Variants in VWA2 observed in about 807,000 individuals in gnomAD.
VWA2 encodes von Willebrand factor A domain containing 2.
Under a neutral mutation model 70.4 loss-of-function variants are expected in VWA2, and 73 were observed. That is an observed-to-expected ratio of 1.04 (90% CI 0.86 to 1.26). The LOEUF (loss-of-function observed/expected upper bound fraction) is 1.26. Ranked by LOEUF, VWA2 falls within the 50% of genes most tolerant of loss-of-function variation. The pLI, the probability that VWA2 is intolerant of heterozygous loss-of-function variation, is 0.00. For missense variants in VWA2, 1,011 were observed against 998.5 expected (o/e 1.01, Z -0.17); for synonymous variants, 407 against 423.3 (o/e 0.96, Z 0.47).
chr10:114,273,076 A>G, intron 6 of VWA2, 142 bp downstream of exon 6: 1 of 620,116 alleles, frequency 1.6e-6, no homozygotes. Flanking sequence ...TGCCATTTTG[A>G]CTCCAGTGCA....
intron 4 of VWA2, among the ~76,000 whole-genome samples, chr10:114,255,344 A>G (rs952829799): frequency 4.6e-5 from 7 of 151,390 alleles, no homozygotes; most frequent in African/African-American, 1.7e-4. Flanking sequence ...TAGTGACCCT[A>G]TTAGAAATTA....
chr10:114,278,607 G>A, intron 7 of VWA2, 112 bp from the exon 8 acceptor site: 1 of 1,502,964 alleles, frequency 6.7e-7, no homozygotes, highest in Non-Finnish European at 9.1e-7. Context: ...GGCCAGCCTG[G>A]AAGTGTGGTG....
chr10:114,260,153 G>T (rs1050722506), intron 4 of VWA2, among the ~76,000 whole-genome samples: 10 of 152,210 alleles, frequency 6.6e-5, no homozygotes, highest in Admixed American at 6.5e-4. Context: ...AGGGGTTTTG[G>T]AGAACCAATG....
intron 3 of VWA2, among the ~76,000 whole-genome samples, 191 bp downstream of exon 3, chr10:114,253,916 C>A (rs1029978136): frequency 6.6e-6 from 1 of 151,762 alleles, no homozygotes; most frequent in African/African-American, 2.4e-5. Context: ...AAAGTGGGTG[C>A]CTGTAATTCC....
At chr10:114,284,108 A>C (rs1166861184) in intron 9 of VWA2, among the ~76,000 whole-genome samples, 1 of 152,248 alleles carries the variant, frequency 6.6e-6, no homozygotes, top group Non-Finnish European at 1.5e-5. Flanking sequence ...TGAGATGCTC[A>C]GGCATGGACC....
At position 114,289,444 on chromosome 10, in the gene VWA2, G is replaced by T. The variant is rs142413003; in HGVS notation, c.2077G>T (p.Asp693Tyr). ...DSLIHVAAYA[D>Y]LRYHQDVLIE... ...CCTGATCCACGTGGCAGCTTACGCC[G>T]ACCTGCGGTACCACCAGGACGTGCT... The change falls in exon 12 of 14, where the codon GAC becomes TAC. Residue 693 changes from aspartate to tyrosine, a missense_variant. Coordinates refer to ENST00000392982, the MANE Select transcript of VWA2 (RefSeq NM_001272046.2). 27 of 1,614,016 alleles carry T rather than the reference G, an allele frequency of 1.7e-5. No individual in the cohort carries two copies. Among genetic ancestry groups the T allele is most frequent in the African/African-American group, 2.7e-5 (2 of 74,914 alleles).
Position 114,277,894 on chromosome 10 carries a change from G to A in VWA2, c.567-20G>A. 2 of 1,595,310 alleles carry A rather than the reference G, an allele frequency of 1.3e-6. No individual in the cohort carries two copies. The highest frequency in any genetic ancestry group is 2.2e-5 in the South Asian group (2 of 90,014). On this transcript the variant is annotated intron_variant, in intron 6 of 13. Coordinates refer to ENST00000392982, the MANE Select transcript of VWA2 (RefSeq NM_001272046.2). ...GAGGGTGGGTATAGGACCACAAGCT[G>A]TTACAACCCCTTGGCACAGGTGGGA...
At chr10:114,248,663 C>A in intron 1 of VWA2, 41 bp from the exon 2 acceptor site, 2 of 1,570,438 alleles carry the variant, frequency 1.3e-6, no homozygotes, top group African/African-American at 1.4e-5. Context: ...GTTCACAGAA[C>A]TAATTGCTGA....
rs567426734 is a variant in VWA2 at position 114,242,394 on chromosome 10, G to A, written c.-11+2825G>A. Reference sequence around the variant, plus strand: ...CCATCAGATGGTTGCTCTTTCCAGAGCATCTGTGTACCGCATGCCTCATAG... The same window carrying A: ...CCATCAGATGGTTGCTCTTTCCAGAACATCTGTGTACCGCATGCCTCATAG... On this transcript the variant is annotated intron_variant, in intron 1 of 13. Coordinates refer to ENST00000392982, the MANE Select transcript of VWA2 (RefSeq NM_001272046.2). Among the ~76,000 whole-genome samples, 9 of 152,322 alleles carry A rather than the reference G, an allele frequency of 5.9e-5. No individual in the cohort carries two copies. The East Asian group carries it at 1.7e-3, about 29-fold the overall frequency.
chr10:114,255,567 T>C (rs369583705), intron 4 of VWA2, among the ~76,000 whole-genome samples: 5 of 152,270 alleles, frequency 3.3e-5, no homozygotes, highest in East Asian at 3.9e-4. Context: ...TGCAGAACAA[T>C]GGGAAAGGGA....
intron 5 of VWA2, among the ~76,000 whole-genome samples, chr10:114,271,384 A>G (rs2037704308): frequency 6.6e-6 from 1 of 152,222 alleles, no homozygotes. Context: ...AGAAAGCAAT[A>G]AAAGTGAAGA....
At position 114,255,013 on chromosome 10, in the gene VWA2, A is replaced by C; in HGVS notation, c.226A>C (p.Thr76Pro). Residue 76 changes from threonine to proline, a missense_variant, in exon 4 of 14, where the codon ACA (threonine) becomes CCA (proline). Coordinates refer to ENST00000392982, the MANE Select transcript of VWA2 (RefSeq NM_001272046.2). ...TGAAAGGTCCAAGCACTTTGCCATC[A>C]CAGTCTGTGACGGTCTGGACATCAG... is the stretch of plus-strand genomic sequence containing the variant. ...SFERSKHFAITVCDGLDISPE... is the reference protein window; with the variant it reads ...SFERSKHFAIPVCDGLDISPE... 1 of 1,612,854 alleles carries C rather than the reference A, an allele frequency of 6.2e-7. No individual in the cohort carries two copies. Among genetic ancestry groups the C allele is most frequent in the South Asian group, 1.1e-5 (1 of 91,058 alleles).
rs949858001 is a variant in VWA2 at position 114,259,826 on chromosome 10, G to T, written c.262-1360G>T. Among the ~76,000 whole-genome samples, 10 of 152,238 alleles carry T rather than the reference G, an allele frequency of 6.6e-5. No homozygotes were observed. The East Asian group carries it at 1.9e-3, about 29-fold the overall frequency. ...ATCACCTACTGGTCCGTCTTCCTGT[G>T]TCCGTCTCCCCAATGTGTCCACTGA... On this transcript the variant is annotated intron_variant, in intron 4 of 13. Transcript: ENST00000392982.
intron 4 of VWA2, among the ~76,000 whole-genome samples, chr10:114,259,592 T>C (rs1183934282): frequency 6.6e-6 from 1 of 152,170 alleles, no homozygotes; most frequent in Non-Finnish European, 1.5e-5. Context: ...TGAGTTTTTC[T>C]AGAACTTTCA....
In VWA2 at chr10:114,292,093, G is replaced by A. The variant is rs183325967; in HGVS notation, c.*856G>A. ...GGAGTTTGAGACCAGCCTGGCCAAC[G>A]TGGTGAAAGTTTGTCTTTACTAAAA... is the stretch of plus-strand genomic sequence containing the variant. On this transcript the variant is annotated 3_prime_UTR_variant, in exon 14 of 14. Transcript: ENST00000392982. Among the ~76,000 whole-genome samples the A allele has an allele frequency of 6.2e-4, 95 of 152,186 alleles. No homozygotes were observed. Among genetic ancestry groups the A allele is most frequent in the African/African-American group, 1.9e-3 (77 of 41,538 alleles).
intron 4 of VWA2, among the ~76,000 whole-genome samples, chr10:114,257,341 TCATGGAGGAATAA>T (rs1409459603): frequency 1.3e-5 from 2 of 152,218 alleles, no homozygotes; most frequent in Non-Finnish European, 2.9e-5. Context: ...CATTAGTTAC[TCATGGAGGAATAA>T]CATAAAGAGA....
intron 2 of VWA2, among the ~76,000 whole-genome samples, chr10:114,249,128 A>G (rs2037140949): frequency 6.6e-6 from 1 of 152,030 alleles, no homozygotes; most frequent in African/African-American, 2.4e-5. Flanking sequence ...TCACTTAGGT[A>G]TTGAGCCCAG....
chr10:114,272,843 G>C lies in VWA2; in HGVS notation c.475G>C (p.Asp159His). 6.2e-7 allele frequency: 1 copy of C among 1,614,108 alleles called. No individual in the cohort carries two copies. Among genetic ancestry groups the C allele is most frequent in the Non-Finnish European group, 8.5e-7 (1 of 1,180,012 alleles). Residue 159 changes from aspartate (D) to histidine (H), a missense_variant, in exon 6 of 14, where the codon GAT becomes CAT. Transcript: ENST00000392982. Reference sequence around the variant, plus strand: ...GCCCCAGATCCTCATCATCGTCACTGATGGGAAGTCCCAGGGGGATGTGGC... The same window carrying C: ...GCCCCAGATCCTCATCATCGTCACTCATGGGAAGTCCCAGGGGGATGTGGC... ...SVPQILIIVT[D>H]GKSQGDVALP...
intron 9 of VWA2, among the ~76,000 whole-genome samples, chr10:114,283,615 G>A (rs1326858316): frequency 1.3e-5 from 2 of 152,170 alleles, no homozygotes; most frequent in African/African-American, 4.8e-5. Context: ...CTGACCTGGG[G>A]CATGTGACTT....
Sources: allele counts gnomAD v4.1 joint callset (sites outside exome capture counted in the v4.1 genomes callset), GRCh38; gene constraint gnomAD v4.1.1; transcripts MANE v1.5; gene names NCBI Gene and HGNC (gene_info 2026-07-23, HGNC 2026-07-21).